The following CDH18 variants were observed in gnomAD, a reference collection of about 807,000 sequenced individuals.
The protein encoded by CDH18 is cadherin 18, also known as cadherin-18.
In CDH18, 31 loss-of-function variants were observed where a neutral mutation model predicts 67.9. The observed-to-expected ratio is 0.46, with a 90% CI of 0.34 to 0.62. CDH18 has a LOEUF of 0.62. Ranked by LOEUF, CDH18 falls within the 20% of genes least tolerant of loss-of-function variation. The pLI is 0.01. For missense variants in CDH18, 890 were observed against 975.5 expected, an observed-to-expected ratio of 0.91 and a Z score of 1.17; for synonymous variants, 362 against 347.2, an observed-to-expected ratio of 1.04 and a Z score of -0.48.
intron 8 of CDH18, among the ~76,000 whole-genome samples, chr5:19,544,862 T>C (rs1736049215): frequency 6.6e-6 from 1 of 152,122 alleles, no homozygotes; most frequent in Admixed American, 6.6e-5. Context: ...ATCTAGTAAA[T>C]GTGCAGATGC....
intron 2 of CDH18, among the ~76,000 whole-genome samples, chr5:20,059,656 A>T (rs1488804166): frequency 6.6e-6 from 1 of 152,228 alleles, no homozygotes; most frequent in East Asian, 1.9e-4. Context: ...ATAAAGATAC[A>T]TGCACACGTA....
At chr5:20,230,416 A>T (rs1387236189) in intron 2 of CDH18, among the ~76,000 whole-genome samples, 1 of 152,184 alleles carries the variant, frequency 6.6e-6, no homozygotes, top group Non-Finnish European at 1.5e-5. Flanking sequence ...CCATATCATG[A>T]TGTGATATCT....
chr5:19,946,622 T>C (rs1161111814), intron 2 of CDH18, among the ~76,000 whole-genome samples: 1 of 152,172 alleles, frequency 6.6e-6, no homozygotes, highest in African/African-American at 2.4e-5. Flanking sequence ...ATATCCAACA[T>C]GCTCCCAAGC....
At chr5:20,345,696 AG>A (rs1390610554) in intron 1 of CDH18, among the ~76,000 whole-genome samples, 1 of 152,134 alleles carries the variant, frequency 6.6e-6, no homozygotes, top group Non-Finnish European at 1.5e-5. Context: ...AGTAATTGTT[AG>A]ATTTGCCATG....
At chr5:19,852,429 T>G (rs1343725939) in intron 2 of CDH18, among the ~76,000 whole-genome samples, 5 of 151,950 alleles carry the variant, frequency 3.3e-5, no homozygotes, top group African/African-American at 1.2e-4. Flanking sequence ...GTTCTCATTG[T>G]TTACTTTTGG....
At chr5:19,679,978 C>T (rs1053538107) in intron 5 of CDH18, among the ~76,000 whole-genome samples, 3 of 151,880 alleles carry the variant, frequency 2.0e-5, no homozygotes, top group Non-Finnish European at 4.4e-5. Flanking sequence ...GCCCAAATAA[C>T]CAAAGCAATC....
chr5:20,489,383 G>A (rs1466337098), intron 1 of CDH18, among the ~76,000 whole-genome samples: 1 of 151,980 alleles, frequency 6.6e-6, no homozygotes, highest in South Asian at 2.1e-4. Flanking sequence ...GGCTAGCAAT[G>A]ATTATTGAAT....
intron 2 of CDH18, among the ~76,000 whole-genome samples, chr5:20,231,469 C>A (rs1278099530): frequency 1.3e-5 from 2 of 151,772 alleles, no homozygotes; most frequent in Admixed American, 6.6e-5. Flanking sequence ...GGTGGGGTGG[C>A]GCTCCTGTAA....
intron 3 of CDH18, among the ~76,000 whole-genome samples, chr5:19,833,840 T>C (rs1274982874): frequency 6.6e-6 from 1 of 152,190 alleles, no homozygotes. Context: ...TTTGCATATG[T>C]TGAACCAGCC....
intron 5 of CDH18, among the ~76,000 whole-genome samples, chr5:19,635,117 C>T (rs1231800105): frequency 6.6e-6 from 1 of 152,090 alleles, no homozygotes; most frequent in Non-Finnish European, 1.5e-5. Flanking sequence ...AGAACAAAGA[C>T]AAAGAAAATC....
intron 2 of CDH18, among the ~76,000 whole-genome samples, chr5:19,994,736 TATAGAGAGAGAGAGAGAG>T (rs1174178967): frequency 3.0e-3 from 27 of 8,952 alleles, no homozygotes; most frequent in East Asian, 9.7e-3. Context: ...TATATATATA[TATAGAGAGAGAGAGAGAG>T]AGAGAGAGAG....
chr5:20,154,571 A>G (rs568175187), intron 2 of CDH18, among the ~76,000 whole-genome samples: 1 of 152,220 alleles, frequency 6.6e-6, no homozygotes, highest in East Asian at 1.9e-4. Flanking sequence ...TATCTGGAAA[A>G]ATATATCTGT....
intron 2 of CDH18, among the ~76,000 whole-genome samples, chr5:20,027,160 A>G (rs1369820213): frequency 6.6e-6 from 1 of 152,116 alleles, no homozygotes; most frequent in Non-Finnish European, 1.5e-5. Context: ...TCAATAATGT[A>G]TGATTAAACA....
rs573909479 is a variant in CDH18 at position 20,159,282 on chromosome 5, G to A, written c.-518+96162C>T. On this transcript the variant is annotated intron_variant, in intron 2 of 14. Coordinates refer to the CDH18 transcript ENST00000507958. ...TCGGGAGTTTGGAGGATGCTAATGC[G>A]TCTTTTAAAGTTTGAGGACCATTAT... 6.9e-4 allele frequency among the ~76,000 whole-genome samples: 105 copies of A among 152,186 alleles called. 1 individual carries two copies. Among genetic ancestry groups the A allele is most frequent in the African/African-American group, 2.1e-3 (88 of 41,540 alleles).
chr5:19,744,103 G>C (rs1369468629), intron 4 of CDH18, among the ~76,000 whole-genome samples: 2 of 151,656 alleles, frequency 1.3e-5, no homozygotes, highest in Admixed American at 6.6e-5. Context: ...CTATAGTAAT[G>C]AGTGTATATA....
chr5:20,330,755 A>G (rs896916532), intron 1 of CDH18, among the ~76,000 whole-genome samples: 1 of 152,212 alleles, frequency 6.6e-6, no homozygotes, highest in East Asian at 1.9e-4. Flanking sequence ...CCCCAGAAGC[A>G]TGCCAACATA....
chr5:20,511,061 T>C (rs1044479647), intron 1 of CDH18, among the ~76,000 whole-genome samples: 4 of 151,988 alleles, frequency 2.6e-5, no homozygotes, highest in African/African-American at 7.2e-5. Flanking sequence ...TCTAAGTTCA[T>C]AGGAGAAATG....
chr5:19,524,649 G>T (rs1747451306), intron 9 of CDH18, among the ~76,000 whole-genome samples: 1 of 152,056 alleles, frequency 6.6e-6, no homozygotes, highest in Admixed American at 6.6e-5. Flanking sequence ...ATTTTAAGCA[G>T]ACAAAAGCAA....
chr5:19,811,148 A>G lies in CDH18; in HGVS notation c.228+27611T>C, dbSNP rs893524167. On this transcript the variant is annotated intron_variant, in intron 3 of 12. Transcript: ENST00000382275. ...AAAGAAAGAAAGAAAGAAAGAAAGA[A>G]AGAAAGAAAGAAGGAGAGAAAGAAA... is the stretch of plus-strand genomic sequence containing the variant. 1.4e-3 allele frequency among the ~76,000 whole-genome samples: 98 copies of G among 69,114 alleles called. 5 individuals are homozygous for G. The highest frequency in any genetic ancestry group is 4.3e-3 in the South Asian group (11 of 2,546). The allele number at this position is 69,114 out of a possible 152,430, so 45.3% of individuals were successfully genotyped here.
Sources: gnomAD v4.1 joint callset for allele counts (sites outside exome capture counted in the v4.1 genomes callset) on GRCh38, gnomAD v4.1.1 for gene constraint, MANE v1.5 for transcripts, NCBI Gene and HGNC (gene_info 2026-07-23, HGNC 2026-07-21) for gene names.